PTPRK: variants seen among roughly 807,000 people sequenced by gnomAD.
The protein encoded by PTPRK is protein tyrosine phosphatase receptor type K, also known as receptor-type tyrosine-protein phosphatase kappa.
In PTPRK, 75 loss-of-function variants were observed where a neutral mutation model predicts 178.0. The ratio of observed to expected loss-of-function variants is 0.42; its 90% CI spans 0.35 to 0.51. PTPRK has a LOEUF of 0.51. Among genes scored for constraint, PTPRK ranks in the 20% least tolerant of loss-of-function variants. PTPRK has a pLI of 0.02. For missense variants in PTPRK, 1,441 were observed against 1,797.8 expected (o/e 0.80, Z 3.59); for synonymous variants, 637 against 620.6 (o/e 1.03, Z -0.39).
At chr6:128,335,881 A>C (rs1830857162) in intron 2 of PTPRK, among the ~76,000 whole-genome samples, 1 of 152,150 alleles carries the variant, frequency 6.6e-6, no homozygotes, top group Non-Finnish European at 1.5e-5. Flanking sequence ...ATAATTGAGC[A>C]AAGTATAATA....
In PTPRK at chr6:128,067,547, T is replaced by A; in HGVS notation, c.2129A>T (p.Tyr710Phe). 1 of 1,578,570 alleles carries A rather than the reference T, an allele frequency of 6.3e-7. No individual in the cohort carries two copies. Among genetic ancestry groups the A allele is most frequent in the Non-Finnish European group, 8.6e-7 (1 of 1,156,394 alleles). ...CTCCACACTGCTCATCGCCTGGAAA[T>A]AGATGTTGTATCCTTTGCGCGGAGC... The part of the protein sequence containing the change: ...PLAPRKGYNI[Y>F]FQAMSSVEKE... Residue 710 changes from tyrosine to phenylalanine, a missense_variant, in exon 12 of 30, where the codon TAT (tyrosine) becomes TTT (phenylalanine). Transcript: ENST00000368226.
chr6:128,411,045 C>T lies in PTPRK; in HGVS notation c.101-13357G>A, dbSNP rs144180548. On this transcript the variant is annotated intron_variant, in intron 1 of 29. Transcript: ENST00000368226. ...TACCTGGGACTATAGGTGCATGCCA[C>T]GACGCCTGGCTAATTTTTGTATTTT... Among the ~76,000 whole-genome samples the T allele has an allele frequency of 5.1e-3, 776 of 152,270 alleles. 4 individuals are homozygous for T. Among genetic ancestry groups the T allele is most frequent in the Middle Eastern group, 0.01 (3 of 294 alleles).
chr6:128,103,521 C>T (rs1055797484), intron 7 of PTPRK, among the ~76,000 whole-genome samples: 8 of 152,154 alleles, frequency 5.3e-5, no homozygotes, highest in Admixed American at 3.9e-4. Context: ...ACCCTGGTTC[C>T]TGCACCTGCC....
chr6:128,166,348 AT>A (rs1469255751), intron 7 of PTPRK, among the ~76,000 whole-genome samples: 2 of 151,652 alleles, frequency 1.3e-5, no homozygotes, highest in African/African-American at 4.8e-5. Flanking sequence ...AAGAGCATAG[AT>A]TTTGGACTCA....
At chr6:128,473,771 T>G (rs1220239554) in intron 1 of PTPRK, among the ~76,000 whole-genome samples, 2 of 152,072 alleles carry the variant, frequency 1.3e-5, no homozygotes, top group South Asian at 2.1e-4. Flanking sequence ...CAGAATCTCC[T>G]GCTGATCAGC....
At chr6:128,390,535 A>G (rs908061987) in intron 2 of PTPRK, among the ~76,000 whole-genome samples, 16 of 152,164 alleles carry the variant, frequency 1.1e-4, no homozygotes, top group African/African-American at 3.9e-4. Context: ...AAATCAAATA[A>G]ATTATATAGC....
In PTPRK at chr6:127,997,007, T is replaced by C; in HGVS notation, c.2680-19A>G. 2.5e-6 allele frequency: 4 copies of C among 1,605,008 alleles called. No homozygotes were observed. The highest frequency in any genetic ancestry group is 3.4e-6 in the Non-Finnish European group (4 of 1,173,894). On this transcript the variant is annotated intron_variant, in intron 16 of 29. Transcript: ENST00000368226. ...AAAAGCTCTGGGAAAACAAAACGAA[T>C]AAGCAGACTGAATTTAATTCCTTTT... is the stretch of plus-strand genomic sequence containing the variant.
At chr6:128,389,468 T>C (rs1279284989) in intron 2 of PTPRK, among the ~76,000 whole-genome samples, 2 of 151,270 alleles carry the variant, frequency 1.3e-5, no homozygotes, top group Non-Finnish European at 3.0e-5. Flanking sequence ...GCATTCTTCT[T>C]GTGTTTGAAA....
intron 7 of PTPRK, among the ~76,000 whole-genome samples, chr6:128,091,906 A>G (rs1787028740): frequency 6.6e-6 from 1 of 152,228 alleles, no homozygotes; most frequent in Non-Finnish European, 1.5e-5. Flanking sequence ...CACTGTAAAG[A>G]AGACAGAGTA....
Position 128,473,335 on chromosome 6 carries a change from C to T in PTPRK, c.100+46924G>A, listed in dbSNP as rs146448031. Among the ~76,000 whole-genome samples the T allele has an allele frequency of 4.4e-3, 670 of 150,860 alleles. 6 individuals carry two copies. Among genetic ancestry groups the T allele is most frequent in the African/African-American group, 0.015 (634 of 41,096 alleles). On this transcript the variant is annotated intron_variant, in intron 1 of 29. Coordinates refer to ENST00000368226, the MANE Select transcript of PTPRK (RefSeq NM_002844.4). ...TCTTATAGTATCATACCTGAAAGCACATGATATCTGTCTGCCTCCCCTCAG... is the reference window on the plus strand; with the variant it reads ...TCTTATAGTATCATACCTGAAAGCATATGATATCTGTCTGCCTCCCCTCAG...
intron 3 of PTPRK, among the ~76,000 whole-genome samples, chr6:128,286,182 C>T (rs1822476207): frequency 6.6e-6 from 1 of 152,126 alleles, no homozygotes; most frequent in African/African-American, 2.4e-5. Context: ...CAGTATTCAG[C>T]CACTCTACTA....
At chr6:128,102,284 A>G (rs1367587915) in intron 7 of PTPRK, among the ~76,000 whole-genome samples, 2 of 152,256 alleles carry the variant, frequency 1.3e-5, no homozygotes, top group Non-Finnish European at 2.9e-5. Flanking sequence ...TCAAAGGTGA[A>G]TAAGACATGA....
chr6:128,216,574 T>C (rs922377999), intron 6 of PTPRK, among the ~76,000 whole-genome samples: 1 of 150,962 alleles, frequency 6.6e-6, no homozygotes, highest in African/African-American at 2.4e-5. Flanking sequence ...AAATTTTCAA[T>C]GAAATTTAAG....
chr6:128,494,783 A>G (rs1211737398), intron 1 of PTPRK, among the ~76,000 whole-genome samples: 1 of 152,222 alleles, frequency 6.6e-6, no homozygotes, highest in African/African-American at 2.4e-5. Flanking sequence ...AACTTGATTT[A>G]TGTGTGTGAA....
At chr6:128,498,505 C>T (rs1855064702) in intron 1 of PTPRK, among the ~76,000 whole-genome samples, 2 of 152,106 alleles carry the variant, frequency 1.3e-5, no homozygotes, top group Admixed American at 1.3e-4. Flanking sequence ...CAAGATGAGG[C>T]TAAGGGAATG....
chr6:128,316,058 T>C (rs185521081), intron 3 of PTPRK, among the ~76,000 whole-genome samples: 14 of 152,328 alleles, frequency 9.2e-5, no homozygotes, highest in South Asian at 4.1e-4. Context: ...TTGTCATGTA[T>C]TATATGAAAC....
chr6:128,293,741 C>T (rs17055571), intron 3 of PTPRK, among the ~76,000 whole-genome samples: 8,022 of 152,092 alleles, frequency 0.053, 710 homozygotes, highest in African/African-American at 0.18. Flanking sequence ...GAATTACAGG[C>T]TCTTAGGTTT....
At chr6:128,147,736 A>G (rs1436716060) in intron 7 of PTPRK, among the ~76,000 whole-genome samples, 1 of 152,146 alleles carries the variant, frequency 6.6e-6, no homozygotes, top group Admixed American at 6.6e-5. Flanking sequence ...TCATACGAAA[A>G]CAACACAGGA....
At chr6:128,168,310 C>A (rs1331170578) in intron 7 of PTPRK, among the ~76,000 whole-genome samples, 1 of 152,004 alleles carries the variant, frequency 6.6e-6, no homozygotes, top group Non-Finnish European at 1.5e-5. Context: ...CCCTTGTTCT[C>A]TTTTGCAGGT....
Sources: gnomAD v4.1 joint callset for allele counts (sites outside exome capture counted in the v4.1 genomes callset) on GRCh38, gnomAD v4.1.1 for gene constraint, MANE v1.5 for transcripts, NCBI Gene and HGNC (gene_info 2026-07-23, HGNC 2026-07-21) for gene names.